Variants in ZC2HC1B observed in about 807,000 individuals in gnomAD.
ZC2HC1B encodes the protein zinc finger C2HC domain-containing protein 1B.
ZC2HC1B carries 36 observed loss-of-function variants against 31.0 expected under a neutral mutation model. That is an observed-to-expected ratio of 1.16 (90% CI 0.89 to 1.54). The LOEUF (loss-of-function observed/expected upper bound fraction) is 1.54. Among genes scored for constraint, ZC2HC1B ranks in the 40% most tolerant of loss-of-function variants. ZC2HC1B has a pLI of 0.00. For missense variants in ZC2HC1B, 260 were observed against 268.6 expected, an observed-to-expected ratio of 0.97 and a Z score of 0.22; for synonymous variants, 73 against 88.0, an observed-to-expected ratio of 0.83 and a Z score of 0.95.
Position 143,886,656 on chromosome 6 carries a change from A to C in ZC2HC1B, c.211-27A>C. 2 of 1,510,746 alleles carry C rather than the reference A, an allele frequency of 1.3e-6. No homozygotes were observed. Among genetic ancestry groups the C allele is most frequent in the East Asian group, 2.5e-5 (1 of 39,262 alleles). 93.6% of individuals were successfully genotyped at this position (1,510,746 alleles called of 1,614,324 possible). On this transcript the variant is annotated intron_variant, in intron 3 of 7. Transcript: ENST00000237275. The surrounding 1 kb of genome is among the most constrained non-coding windows in gnomAD (Gnocchi z 4.2). ...AATGGAGAGGTATATAGTCTAGGGTATTATTTGTTGGTTTTATTTTTTACA... is the reference window on the plus strand; with the variant it reads ...AATGGAGAGGTATATAGTCTAGGGTCTTATTTGTTGGTTTTATTTTTTACA...
rs1393425006 is a variant in ZC2HC1B at position 143,870,235 on chromosome 6, T to C, written c.28+5668T>C. Reference sequence around the variant, plus strand: ...CAAAGTTCTGCCCACTGGGAAAATTTTCCCTCACCACTTTCAGGGATGTCC... The same window carrying C: ...CAAAGTTCTGCCCACTGGGAAAATTCTCCCTCACCACTTTCAGGGATGTCC... On this transcript the variant is annotated intron_variant, in intron 1 of 7. Coordinates refer to ENST00000237275, the MANE Select transcript of ZC2HC1B (RefSeq NM_001013623.3). This position sits in a 1 kb window ranked among gnomAD's most constrained non-coding sequence, Gnocchi z 4.7. Among the ~76,000 whole-genome samples the C allele has an allele frequency of 3.9e-5, 6 of 152,224 alleles. No individual in the cohort carries two copies. Among genetic ancestry groups the C allele is most frequent in the Non-Finnish European group, 8.8e-5 (6 of 68,032 alleles).
chr6:143,894,024 G>A (rs144087560), intron 4 of ZC2HC1B, among the ~76,000 whole-genome samples: 165 of 152,272 alleles, frequency 1.1e-3, no homozygotes, highest in African/African-American at 3.9e-3. Context: ...CATACACTTA[G>A]CCTATAAAGC....
chr6:143,895,146 A>C lies in ZC2HC1B; in HGVS notation c.350-3406A>C, dbSNP rs1028393993. Among the ~76,000 whole-genome samples the C allele has an allele frequency of 6.6e-6, 1 of 151,890 alleles. No individual in the cohort carries two copies. Among genetic ancestry groups the C allele is most frequent in the African/African-American group, 2.4e-5 (1 of 41,336 alleles). ...GAATTCTCAGGCTTAAGTTCTAGAG[A>C]ATTTATTTGTTTTTTGTTGTTGTTG... On this transcript the variant is annotated intron_variant, in intron 4 of 7. Coordinates refer to ENST00000237275, the MANE Select transcript of ZC2HC1B (RefSeq NM_001013623.3). The surrounding 1 kb of genome is among the most constrained non-coding windows in gnomAD (Gnocchi z 4.8).
At chr6:143,891,213 G>A (rs1777598355) in intron 4 of ZC2HC1B, among the ~76,000 whole-genome samples, 1 of 151,468 alleles carries the variant, frequency 6.6e-6, no homozygotes, top group Admixed American at 6.6e-5. Context: ...CAAAATATAT[G>A]CAGAACCTAT....
Position 143,865,858 on chromosome 6 carries a change from C to T in ZC2HC1B, c.28+1291C>T, listed in dbSNP as rs531920283. ...CCAAGACAGGTCTTGCTCTGGCGCC[C>T]GAGCTGGAGCGCAGTAGTGCGATCT... On this transcript the variant is annotated intron_variant, in intron 1 of 7. Coordinates refer to ENST00000237275, the MANE Select transcript of ZC2HC1B (RefSeq NM_001013623.3). This position sits in a 1 kb window ranked among gnomAD's most constrained non-coding sequence, Gnocchi z 4.4. Among the ~76,000 whole-genome samples the T allele has an allele frequency of 9.9e-5, 15 of 152,216 alleles. No individual in the cohort carries two copies. Among genetic ancestry groups the T allele is most frequent in the Admixed American group, 8.5e-4 (13 of 15,298 alleles).
chr6:143,893,725 C>G (rs1777629082), intron 4 of ZC2HC1B, among the ~76,000 whole-genome samples: 1 of 152,062 alleles, frequency 6.6e-6, no homozygotes, highest in Non-Finnish European at 1.5e-5. Context: ...CTTGCTCTGT[C>G]ACCCAGGCTG....
At chr6:143,919,725 G>C (rs1777966422) in intron 6 of ZC2HC1B, among the ~76,000 whole-genome samples, 1 of 152,196 alleles carries the variant, frequency 6.6e-6, no homozygotes, top group Admixed American at 6.5e-5. Flanking sequence ...CACAGCTGAG[G>C]GGTGGAGGAT....
chr6:143,926,929 G>T (rs1453117058), intron 6 of ZC2HC1B, among the ~76,000 whole-genome samples: 22 of 126,592 alleles, frequency 1.7e-4, no homozygotes, highest in Non-Finnish European at 2.4e-4. Context: ...TCCTGCCTCA[G>T]CCTCCCGAGT....
intron 6 of ZC2HC1B, among the ~76,000 whole-genome samples, chr6:143,930,992 A>G (rs1268408761): frequency 6.6e-6 from 1 of 152,076 alleles, no homozygotes; most frequent in African/African-American, 2.4e-5. Context: ...CTATTAGTGT[A>G]ATGCATCTCT....
Position 143,934,193 on chromosome 6 carries a change from T to TA in ZC2HC1B, c.599-3455dup, listed in dbSNP as rs1392861114. On this transcript the variant is annotated intron_variant, in intron 6 of 7. Coordinates refer to ENST00000237275, the MANE Select transcript of ZC2HC1B (RefSeq NM_001013623.3). The surrounding 1 kb of genome is among the most constrained non-coding windows in gnomAD (Gnocchi z 4.6). ...TGTCCCCTCTCAGACTTTGGGAACT[T>TA]ACGAATTTTCACCTGTCTTGCAGAA... 2.0e-5 allele frequency among the ~76,000 whole-genome samples: 3 copies of TA among 152,244 alleles called. No individual in the cohort carries two copies. Among genetic ancestry groups the TA allele is most frequent in the African/African-American group, 7.2e-5 (3 of 41,466 alleles).
intron 1 of ZC2HC1B, among the ~76,000 whole-genome samples, chr6:143,880,850 G>A (rs1777458065): frequency 6.6e-6 from 1 of 152,050 alleles, no homozygotes; most frequent in Non-Finnish European, 1.5e-5. Flanking sequence ...TTTACAAAAT[G>A]TTACAAAATA....
At chr6:143,901,951 G>A (rs1468473469) in intron 5 of ZC2HC1B, among the ~76,000 whole-genome samples, 4 of 152,208 alleles carry the variant, frequency 2.6e-5, no homozygotes, top group Admixed American at 2.6e-4. Context: ...TCCAGAGTTA[G>A]TCTGCTTTAG....
Position 143,922,068 on chromosome 6 carries a change from G to A in ZC2HC1B, c.599-15581G>A, listed in dbSNP as rs991964410. 2.6e-5 allele frequency among the ~76,000 whole-genome samples: 4 copies of A among 152,200 alleles called. No individual in the cohort carries two copies. The highest frequency in any genetic ancestry group is 9.6e-5 in the African/African-American group (4 of 41,458). ...GAATCTCTAAAGTGTTTAAGGACTT[G>A]GAGAAAAGTACCAAATGCCTTTCGT... On this transcript the variant is annotated intron_variant, in intron 6 of 7. Transcript: ENST00000237275. This position sits in a 1 kb window ranked among gnomAD's most constrained non-coding sequence, Gnocchi z 5.0.
Position 143,937,738 on chromosome 6 carries a change from G to GAA in ZC2HC1B, c.*14+13_*14+14dup. 2.6e-6 allele frequency: 4 copies of GAA among 1,525,254 alleles called. No individual in the cohort carries two copies. The East Asian group carries it at 7.4e-5, about 28-fold the overall frequency. 94.5% of individuals were successfully genotyped at this position (1,525,254 alleles called of 1,614,324 possible). A position where few individuals can be genotyped will look rare whatever the true frequency, so the allele number is the denominator to read the frequency against. ...AGATTAACTCCTAGAAGCCAGGTAA[G>GAA]AAAAAAAAATCACCGCTAATCCAGC... On this transcript the variant is annotated splice_donor_region_variant and intron_variant, in intron 7 of 7. Coordinates refer to ENST00000237275, the MANE Select transcript of ZC2HC1B (RefSeq NM_001013623.3).
chr6:143,886,165 CT>C lies in ZC2HC1B; in HGVS notation c.210+16del. 1 of 1,514,840 alleles carries C rather than the reference CT, an allele frequency of 6.6e-7. No homozygotes were observed. The highest frequency in any genetic ancestry group is 8.8e-7 in the Non-Finnish European group (1 of 1,135,282). The allele number at this position is 1,514,840 out of a possible 1,614,324, so 93.8% of individuals were successfully genotyped here. ...CCACAATCCAAGGTACTCCTGATATCTTCTTTAGTGTTTGTTATTACATTCT... is the reference window on the plus strand; with the variant it reads ...CCACAATCCAAGGTACTCCTGATATCTCTTTAGTGTTTGTTATTACATTCT... On this transcript the variant is annotated intron_variant, in intron 3 of 7. Transcript: ENST00000237275. The surrounding 1 kb of genome is among the most constrained non-coding windows in gnomAD (Gnocchi z 4.2).
At position 143,888,527 on chromosome 6, in the gene ZC2HC1B, A is replaced by T. The variant is rs7738112; in HGVS notation, c.349+1706A>T. On this transcript the variant is annotated intron_variant, in intron 4 of 7. Coordinates refer to ENST00000237275, the MANE Select transcript of ZC2HC1B (RefSeq NM_001013623.3). The stretch of plus-strand genomic sequence containing the variant: ...ATATTAAGTTTTCCAATCCATGAAC[A>T]TGGGATATCTTTCTATTATTTACAT... 7.3e-3 allele frequency among the ~76,000 whole-genome samples: 1,105 copies of T among 152,136 alleles called. 12 individuals carry two copies. The highest frequency in any genetic ancestry group is 0.025 in the African/African-American group (1,052 of 41,554).
rs148723435 is a variant in ZC2HC1B, at chr6:143,923,782, T to G, written c.599-13867T>G. On this transcript the variant is annotated intron_variant, in intron 6 of 7. Coordinates refer to ENST00000237275, the MANE Select transcript of ZC2HC1B (RefSeq NM_001013623.3). The surrounding 1 kb of genome is among the most constrained non-coding windows in gnomAD (Gnocchi z 4.8). ...TAAATACATGCATGTATTCCTGGAGTGTCTATTCTGTTTCATTGGTTTATG... is the reference window on the plus strand; with the variant it reads ...TAAATACATGCATGTATTCCTGGAGGGTCTATTCTGTTTCATTGGTTTATG... Among the ~76,000 whole-genome samples, 492 of 152,116 alleles carry G rather than the reference T, an allele frequency of 3.2e-3. 2 individuals carry two copies. Among genetic ancestry groups the G allele is most frequent in the African/African-American group, 0.011 (469 of 41,512 alleles).
intron 6 of ZC2HC1B, among the ~76,000 whole-genome samples, chr6:143,927,059 A>G (rs1032483575): frequency 6.6e-6 from 1 of 151,360 alleles, no homozygotes; most frequent in Admixed American, 6.6e-5. Context: ...CGGCCTCCCA[A>G]AGTGCTGGGA....
chr6:143,920,842 AG>A (rs1777978690), intron 6 of ZC2HC1B, among the ~76,000 whole-genome samples: 1 of 147,940 alleles, frequency 6.8e-6, no homozygotes, highest in Non-Finnish European at 1.5e-5. Flanking sequence ...CAGGAGTCGG[AG>A]GTTACAGTGA....
Sources: allele counts gnomAD v4.1 joint callset (sites outside exome capture counted in the v4.1 genomes callset), GRCh38; gene constraint gnomAD v4.1.1; non-coding constraint Gnocchi (gnomAD v3.1); transcripts MANE v1.5; gene names NCBI Gene and HGNC (gene_info 2026-07-23, HGNC 2026-07-21).